The following CCND3 variants were observed in gnomAD, a reference collection of about 807,000 sequenced individuals.
CCND3 encodes cyclin D3, also known as G1/S-specific cyclin-D3.
CCND3 carries 9 observed loss-of-function variants against 28.7 expected under a neutral mutation model. That is an observed-to-expected ratio of 0.31 (90% CI 0.19 to 0.55). The LOEUF (loss-of-function observed/expected upper bound fraction) is 0.55, where lower values mean the gene tolerates loss of function less well. Among genes scored for constraint, CCND3 ranks in the 20% least tolerant of loss-of-function variants. The pLI, the probability that CCND3 is intolerant of heterozygous loss-of-function variation, is 0.93. For synonymous variants in CCND3, 164 were observed against 163.9 expected, an observed-to-expected ratio of 1.00 and a Z score of 0.00; for missense variants, 315 against 385.8, an observed-to-expected ratio of 0.82 and a Z score of 1.54.
At chr6:41,941,903 G>A (rs963113260), upstream of CCND3, 52 of 209,798 alleles carry the variant, frequency 2.5e-4, no homozygotes, top group African/African-American at 1.2e-3. The surrounding 1 kb of genome is among the most constrained non-coding windows in gnomAD (Gnocchi z 6.1). Context: ...GGACGGAAAG[G>A]GTTGGCTGAG....
intron 1 of CCND3, among the ~76,000 whole-genome samples, chr6:42,026,100 T>C (rs1763867791): frequency 6.6e-6 from 1 of 152,166 alleles, no homozygotes; most frequent in African/African-American, 2.4e-5. Context: ...GGATAAGCTA[T>C]CTGTCAATTG....
At chr6:42,044,128 G>A (rs1488690152) in intron 1 of CCND3, among the ~76,000 whole-genome samples, 1 of 152,242 alleles carries the variant, frequency 6.6e-6, no homozygotes, top group African/African-American at 2.4e-5. Context: ...AAGAGAAGAT[G>A]TGGAAGAAAT....
chr6:42,035,288 A>C (rs1272188743), intron 1 of CCND3, among the ~76,000 whole-genome samples: 1 of 152,096 alleles, frequency 6.6e-6, no homozygotes, highest in Non-Finnish European at 1.5e-5. Context: ...ACTAATTTCC[A>C]TTGCTTCTAC....
chr6:41,964,522 A>G lies in CCND3; in HGVS notation c.-45-23937T>C, dbSNP rs551888041. ...TGAGTGTGTGTGTGTGTGAGTGTGT[A>G]TGTGTGTGCATGCACATGCACACAG... On this transcript the variant is annotated intron_variant, in intron 1 of 4. Coordinates refer to the CCND3 transcript ENST00000372988. 7.9e-5 allele frequency among the ~76,000 whole-genome samples: 12 copies of G among 151,472 alleles called. No individual in the cohort carries two copies. In the South Asian group the frequency reaches 8.3e-4, roughly 11 times the overall value.
intron 1 of CCND3, among the ~76,000 whole-genome samples, chr6:41,995,419 G>A (rs541406868): frequency 6.6e-5 from 10 of 152,026 alleles, no homozygotes; most frequent in Non-Finnish European, 1.0e-4. Flanking sequence ...CACCACACCC[G>A]GCTAATTTTA....
Position 42,048,412 on chromosome 6 carries a change from T to C in CCND3, c.-46+89A>G, listed in dbSNP as rs868247761. ...AAGTGATGAGGATGCGGCGACCCCATTGACCCACCCAGCACCGATCCCCAA... is the reference window on the plus strand; with the variant it reads ...AAGTGATGAGGATGCGGCGACCCCACTGACCCACCCAGCACCGATCCCCAA... On this transcript the variant is annotated intron_variant, in intron 1 of 4. Transcript: ENST00000372988. The surrounding 1 kb of genome is among the most constrained non-coding windows in gnomAD (Gnocchi z 4.7). 18 of 359,726 alleles carry C rather than the reference T, an allele frequency of 5.0e-5. No individual in the cohort carries two copies. In the Middle Eastern group the frequency reaches 5.7e-3, roughly 114 times the overall value. The allele number at this position is 359,726 out of a possible 1,614,324, so 22.3% of individuals were successfully genotyped here.
At chr6:42,028,981 T>C (rs1245686468) in intron 1 of CCND3, among the ~76,000 whole-genome samples, 1 of 151,156 alleles carries the variant, frequency 6.6e-6, no homozygotes, top group African/African-American at 2.4e-5. Context: ...GTTTTTTTTT[T>C]TTTTTCCTAA....
At chr6:42,033,851 CA>C (rs201674101) in intron 1 of CCND3, among the ~76,000 whole-genome samples, 13,324 of 125,690 alleles carry the variant, frequency 0.11, 710 homozygotes, top group East Asian at 0.26. Flanking sequence ...AACTCCGTCT[CA>C]AAAAAAAAAA....
At chr6:42,008,669 T>C (rs2127426159) in intron 1 of CCND3, among the ~76,000 whole-genome samples, 1 of 152,350 alleles carries the variant, frequency 6.6e-6, no homozygotes, top group East Asian at 1.9e-4. Context: ...CTGACTGCTG[T>C]TGATTGGTCT....
At chr6:41,963,818 C>CA (rs1329793010) in intron 1 of CCND3, among the ~76,000 whole-genome samples, 1 of 151,972 alleles carries the variant, frequency 6.6e-6, no homozygotes, top group African/African-American at 2.4e-5. Context: ...AAATAGTCCC[C>CA]TTTGAGCTGG....
intron 1 of CCND3, among the ~76,000 whole-genome samples, chr6:41,951,703 A>G (rs1776323195): frequency 6.6e-6 from 1 of 152,038 alleles, no homozygotes; most frequent in Admixed American, 6.6e-5. Flanking sequence ...AGCACACCAG[A>G]GCAATAATAG....
chr6:41,970,471 A>AT (rs1169932693), intron 1 of CCND3, among the ~76,000 whole-genome samples: 1 of 152,258 alleles, frequency 6.6e-6, no homozygotes, highest in Non-Finnish European at 1.5e-5. Context: ...GGCCATCTTA[A>AT]TAAGCCTGTG....
chr6:41,988,699 CTTTTTTT>C (rs758582662), intron 1 of CCND3, among the ~76,000 whole-genome samples: 4 of 96,730 alleles, frequency 4.1e-5, no homozygotes, highest in African/African-American at 1.3e-4. Context: ...AACTTCTTTT[CTTTTTTT>C]TTTTTTTTTT....
chr6:41,938,575 G>A lies in CCND3; in HGVS notation c.415-1181C>T, dbSNP rs1386946581. Among the ~76,000 whole-genome samples, 1 of 152,198 alleles carries A rather than the reference G, an allele frequency of 6.6e-6. No homozygotes were observed. Among genetic ancestry groups the A allele is most frequent in the Non-Finnish European group, 1.5e-5 (1 of 68,030 alleles). ...CTAAGGAAGCATCTGGAAGGCAACT[G>A]GGAGTGGGACTCTCCCTATGGGGAG... is the stretch of plus-strand genomic sequence containing the variant. On this transcript the variant is annotated intron_variant, in intron 2 of 4. Transcript: ENST00000372991. The surrounding 1 kb of genome is among the most constrained non-coding windows in gnomAD (Gnocchi z 4.6).
intron 1 of CCND3, among the ~76,000 whole-genome samples, chr6:41,974,879 G>A (rs566105252): frequency 2.9e-5 from 4 of 139,430 alleles, no homozygotes; most frequent in East Asian, 2.2e-4. Flanking sequence ...TGCAACCTCC[G>A]CCTCCCAGGT....
At chr6:41,940,840 T>C (rs749947879) in intron 1 of CCND3, 6 of 1,126,484 alleles carry the variant, frequency 5.3e-6, no homozygotes, top group South Asian at 1.2e-5. Flanking sequence ...TCACGGAGGA[T>C]TCCAAACGGA....
intron 1 of CCND3, among the ~76,000 whole-genome samples, chr6:42,045,724 AT>A (rs1291149121): frequency 6.6e-6 from 1 of 152,194 alleles, no homozygotes; most frequent in African/African-American, 2.4e-5. Context: ...AAACTTGAGG[AT>A]TTAAAATTTA....
At chr6:41,984,130 CTTTT>C (rs1762416673) in intron 1 of CCND3, among the ~76,000 whole-genome samples, 1 of 152,084 alleles carries the variant, frequency 6.6e-6, no homozygotes, top group Non-Finnish European at 1.5e-5. Flanking sequence ...GGATTTCTTT[CTTTT>C]TTAAGGCTGA....
chr6:41,964,485 AATGT>A (rs1561964145), intron 1 of CCND3, among the ~76,000 whole-genome samples: 1 of 89,014 alleles, frequency 1.1e-5, no homozygotes, highest in Non-Finnish European at 2.2e-5. Flanking sequence ...AGTGTGTGTG[AATGT>A]GTGTGTGTGA....
Sources: gnomAD v4.1 joint callset for allele counts (sites outside exome capture counted in the v4.1 genomes callset) on GRCh38, gnomAD v4.1.1 for gene constraint, Gnocchi (gnomAD v3.1) non-coding constraint, MANE v1.5 for transcripts, NCBI Gene and HGNC (gene_info 2026-07-23, HGNC 2026-07-21) for gene names.